Variants in NRG3 observed in about 807,000 individuals in gnomAD.
NRG3 encodes neuregulin 3, also known as pro-neuregulin-3, membrane-bound isoform.
A neutral mutation model predicts 66.9 loss-of-function variants in NRG3; 31 were observed. That is an observed-to-expected ratio of 0.46 (90% confidence interval 0.35 to 0.63). The LOEUF (loss-of-function observed/expected upper bound fraction) is 0.63, where lower values mean the gene tolerates loss of function less well. NRG3 is among the 20% of genes least tolerant of loss of function. NRG3 has a pLI of 0.00. For synonymous variants in NRG3, 393 were observed against 359.4 expected (o/e 1.09, Z -1.06); for missense variants, 910 against 878.9 (o/e 1.04, Z -0.45).
chr10:82,154,155 T>C (rs1041281958), intron 1 of NRG3, among the ~76,000 whole-genome samples: 1 of 152,102 alleles, frequency 6.6e-6, no homozygotes, highest in Admixed American at 6.6e-5. Flanking sequence ...CCCACACCAA[T>C]GTTGTGAAGC....
At chr10:82,931,340 A>T (rs1847557818) in intron 4 of NRG3, among the ~76,000 whole-genome samples, 1 of 152,206 alleles carries the variant, frequency 6.6e-6, no homozygotes, top group Non-Finnish European at 1.5e-5. Flanking sequence ...ATGTTAATGA[A>T]GGAGGTAATG....
intron 3 of NRG3, among the ~76,000 whole-genome samples, chr10:82,850,100 G>T (rs1285401439): frequency 6.6e-6 from 1 of 152,172 alleles, no homozygotes; most frequent in Non-Finnish European, 1.5e-5. Flanking sequence ...TGAACAGTTA[G>T]ACAAAGCATT....
At chr10:82,392,748 A>G (rs1034595924) in intron 2 of NRG3, among the ~76,000 whole-genome samples, 1 of 152,162 alleles carries the variant, frequency 6.6e-6, no homozygotes, top group Non-Finnish European at 1.5e-5. Flanking sequence ...CTTGGCTGGC[A>G]GAACATGTAT....
intron 1 of NRG3, among the ~76,000 whole-genome samples, chr10:82,345,698 A>T (rs938990448): frequency 6.6e-6 from 1 of 151,956 alleles, no homozygotes; most frequent in Non-Finnish European, 1.5e-5. Flanking sequence ...ACCCATGAGC[A>T]TGGAATGTTC....
chr10:82,801,851 C>T (rs1248998652), intron 3 of NRG3, among the ~76,000 whole-genome samples: 1 of 152,078 alleles, frequency 6.6e-6, no homozygotes, highest in Non-Finnish European at 1.5e-5. Context: ...ATATCTGTTC[C>T]AATAGACACA....
chr10:82,705,810 G>C (rs1486823112), intron 2 of NRG3, among the ~76,000 whole-genome samples: 1 of 152,142 alleles, frequency 6.6e-6, no homozygotes, highest in African/African-American at 2.4e-5. Flanking sequence ...GCCTGACAGG[G>C]TCTGAAGCTT....
intron 2 of NRG3, among the ~76,000 whole-genome samples, chr10:82,732,319 C>A (rs1451368319): frequency 6.6e-6 from 1 of 151,968 alleles, no homozygotes; most frequent in Non-Finnish European, 1.5e-5. Context: ...GAATAATTTA[C>A]AAATCTAGGT....
At chr10:82,967,425 C>T (rs933616887) in intron 6 of NRG3, among the ~76,000 whole-genome samples, 1 of 152,048 alleles carries the variant, frequency 6.6e-6, no homozygotes, top group Admixed American at 6.6e-5. Context: ...AACCTCCTTC[C>T]CACTGTCTAT....
intron 2 of NRG3, among the ~76,000 whole-genome samples, chr10:82,511,835 T>A (rs1355237205): frequency 2.0e-5 from 3 of 151,992 alleles, no homozygotes; most frequent in Non-Finnish European, 4.4e-5. Context: ...TTCTCTCGTG[T>A]CTACTTTATC....
At chr10:82,497,104 T>C (rs1245964920) in intron 2 of NRG3, among the ~76,000 whole-genome samples, 1 of 152,170 alleles carries the variant, frequency 6.6e-6, no homozygotes, top group Non-Finnish European at 1.5e-5. Context: ...GTTGAGTATA[T>C]ATCCTATTCA....
intron 3 of NRG3, among the ~76,000 whole-genome samples, chr10:82,855,319 C>A (rs540696715): frequency 6.6e-6 from 1 of 152,008 alleles, no homozygotes; most frequent in Non-Finnish European, 1.5e-5. Context: ...ATCCTTCTTT[C>A]TTTTCTTTCA....
chr10:82,145,430 G>T (rs1385283032), intron 1 of NRG3, among the ~76,000 whole-genome samples: 1 of 152,146 alleles, frequency 6.6e-6, no homozygotes, highest in Non-Finnish European at 1.5e-5. Context: ...GCTGTAAAAT[G>T]GGAATATCAA....
intron 1 of NRG3, among the ~76,000 whole-genome samples, chr10:82,272,358 G>C (rs1217054318): frequency 6.6e-6 from 1 of 152,184 alleles, no homozygotes; most frequent in South Asian, 2.1e-4. Flanking sequence ...TGCTGGAGGG[G>C]CTGGCTGCGC....
At chr10:82,531,021 G>C (rs1367567154) in intron 2 of NRG3, among the ~76,000 whole-genome samples, 2 of 151,614 alleles carry the variant, frequency 1.3e-5, no homozygotes, top group Non-Finnish European at 3.0e-5. Flanking sequence ...GAAAATATTT[G>C]GACTGAAACA....
chr10:82,509,160 C>A (rs1311870066), intron 2 of NRG3, among the ~76,000 whole-genome samples: 1 of 152,104 alleles, frequency 6.6e-6, no homozygotes, highest in East Asian at 1.9e-4. Context: ...TCTTGGTTTT[C>A]ACCGTCTAAC....
chr10:82,275,818 G>A (rs1389049141), intron 1 of NRG3, among the ~76,000 whole-genome samples: 2 of 151,966 alleles, frequency 1.3e-5, no homozygotes, highest in Non-Finnish European at 2.9e-5. Flanking sequence ...TATAAAATGT[G>A]CAGAATGTAA....
chr10:82,667,071 G>C (rs575293097), intron 2 of NRG3, among the ~76,000 whole-genome samples: 1 of 152,308 alleles, frequency 6.6e-6, no homozygotes, highest in South Asian at 2.1e-4. Context: ...GTCCACAGCA[G>C]AGCGCCCCTG....
At chr10:82,802,134 T>G (rs1221767084) in intron 3 of NRG3, among the ~76,000 whole-genome samples, 3 of 152,184 alleles carry the variant, frequency 2.0e-5, no homozygotes, top group African/African-American at 7.2e-5. Flanking sequence ...TTTAACCAAA[T>G]TCCTTTACTC....
chr10:82,241,462 A>T (rs1477421837), intron 1 of NRG3, among the ~76,000 whole-genome samples: 1 of 152,034 alleles, frequency 6.6e-6, no homozygotes, highest in Non-Finnish European at 1.5e-5. Flanking sequence ...TCTGTCCTCC[A>T]TCACCATTCC....
Sources: allele counts gnomAD v4.1 joint callset (sites outside exome capture counted in the v4.1 genomes callset), GRCh38; gene constraint gnomAD v4.1.1; transcripts MANE v1.5; gene names NCBI Gene and HGNC (gene_info 2026-07-23, HGNC 2026-07-21).